The following EIF2A variants were observed in gnomAD, a reference collection of about 807,000 sequenced individuals.
EIF2A encodes the protein 65 kDa eukaryotic translation initiation factor 2A.
Under a neutral mutation model 75.2 loss-of-function variants are expected in EIF2A, and 62 were observed. The observed-to-expected ratio is 0.82, with a 90% confidence interval of 0.67 to 1.02. The LOEUF is 1.02. EIF2A is among the 50% of genes least tolerant of loss of function. The probability of loss-of-function intolerance (pLI) is 0.00; values close to 1 mark genes in which losing one functional copy is unlikely to be tolerated. For synonymous variants in EIF2A, 207 were observed against 239.0 expected (o/e 0.87, Z 1.23); for missense variants, 611 against 677.7 (o/e 0.90, Z 1.09).
chr3:150,564,545 A>C (rs1227507242), intron 6 of EIF2A, 164 bp downstream of exon 6: 3 of 477,470 alleles, frequency 6.3e-6, no homozygotes, highest in Non-Finnish European at 1.1e-5. Context: ...AATTCAGTGA[A>C]AATCTGTAAC....
chr3:150,561,082 G>C (rs1347924167), intron 3 of EIF2A, among the ~76,000 whole-genome samples: 1 of 152,036 alleles, frequency 6.6e-6, no homozygotes, highest in Non-Finnish European at 1.5e-5. Flanking sequence ...GACATCAAAT[G>C]TCTCCTTACT....
In EIF2A at chr3:150,574,191, G is replaced by A. The variant is rs1448088930; in HGVS notation, c.1384-1458G>A. ...AATTAAAATGTGTTCATCAAAAACAGTCCCATAATAATTGATATAACTGAA... is the reference window on the plus strand; with the variant it reads ...AATTAAAATGTGTTCATCAAAAACAATCCCATAATAATTGATATAACTGAA... On this transcript the variant is annotated intron_variant, in intron 10 of 13. Coordinates refer to ENST00000460851, the MANE Select transcript of EIF2A (RefSeq NM_032025.5). Among the ~76,000 whole-genome samples, 3 of 152,148 alleles carry A rather than the reference G, an allele frequency of 2.0e-5. No homozygotes were observed. In the East Asian group the frequency reaches 5.8e-4, roughly 29 times the overall value.
At chr3:150,563,697 A>T (rs995458133) in intron 5 of EIF2A, 83 bp downstream of exon 5, 1 of 1,073,304 alleles carries the variant, frequency 9.3e-7, no homozygotes, top group African/African-American at 1.7e-5. Flanking sequence ...CCTGATATTG[A>T]TTTAAAAAAT....
chr3:150,581,879 T>C (rs2107978721), intron 12 of EIF2A, 133 bp downstream of exon 12: 1 of 1,034,736 alleles, frequency 9.7e-7, no homozygotes, highest in South Asian at 1.7e-5. Context: ...GTTTTCTCAC[T>C]ATGAAGCACT....
intron 13 of EIF2A, 137 bp downstream of exon 13, chr3:150,583,402 T>A: frequency 1.4e-6 from 1 of 735,344 alleles, no homozygotes; most frequent in South Asian, 2.3e-5. Flanking sequence ...ATATTCTTTT[T>A]AATGTTTTTA....
chr3:150,584,993 T>C lies in EIF2A; in HGVS notation c.*1082T>C, dbSNP rs920109688. On this transcript the variant is annotated 3_prime_UTR_variant, in exon 14 of 14. Coordinates refer to ENST00000460851, the MANE Select transcript of EIF2A (RefSeq NM_032025.5). ...GATAGATACCATATGAGTATTCAAA[T>C]ATACATACACATACACTTAAAAAAA... Among the ~76,000 whole-genome samples, 1 of 151,938 alleles carries C rather than the reference T, an allele frequency of 6.6e-6. No individual in the cohort carries two copies. The highest frequency in any genetic ancestry group is 1.5e-5 in the Non-Finnish European group (1 of 67,944).
At chr3:150,556,580 G>A (rs1320228124) in intron 2 of EIF2A, among the ~76,000 whole-genome samples, 2 of 150,950 alleles carry the variant, frequency 1.3e-5, no homozygotes, top group African/African-American at 2.4e-5. Flanking sequence ...TAGTTTTTGC[G>A]TTGGAATGTT....
At position 150,584,140 on chromosome 3, in the gene EIF2A, G is replaced by A. The variant is rs1242510009; in HGVS notation, c.*229G>A. 8 of 402,882 alleles carry A rather than the reference G, an allele frequency of 2.0e-5. No homozygotes were observed. The highest frequency in any genetic ancestry group is 4.3e-5 in the Admixed American group (1 of 23,430). The allele number at this position is 402,882 out of a possible 1,614,324, so 25.0% of individuals were successfully genotyped here. A position where few individuals can be genotyped will look rare whatever the true frequency, so the allele number is the denominator to read the frequency against. ...AATATGTGATATAGAAAAGAGATAC[G>A]TGAATTTTTTAGCTAAGCTTGACAG... On this transcript the variant is annotated 3_prime_UTR_variant, in exon 14 of 14. Transcript: ENST00000460851.
intron 11 of EIF2A, among the ~76,000 whole-genome samples, chr3:150,580,042 C>T (rs1442031975): frequency 6.6e-6 from 1 of 151,950 alleles, no homozygotes; most frequent in East Asian, 1.9e-4. Flanking sequence ...ATTTATTTAG[C>T]CTGTGCAACG....
At chr3:150,576,608 A>G (rs112490171) in intron 11 of EIF2A, among the ~76,000 whole-genome samples, 23 of 152,264 alleles carry the variant, frequency 1.5e-4, no homozygotes, top group African/African-American at 5.5e-4. Flanking sequence ...CTGAGACACT[A>G]ATGGTATTAT....
intron 1 of EIF2A, among the ~76,000 whole-genome samples, chr3:150,548,620 C>T (rs567902768): frequency 9.8e-5 from 15 of 152,322 alleles, no homozygotes; most frequent in South Asian, 2.1e-4. Context: ...CTCATAAGAG[C>T]GCAAACCCTA....
At chr3:150,581,472 T>G in intron 11 of EIF2A, 146 bp from the exon 12 acceptor site, 119 of 1,051,642 alleles carry the variant, frequency 1.1e-4, no homozygotes, top group Non-Finnish European at 1.3e-4. Context: ...GCATACTTCA[T>G]GAGACCTTTA....
chr3:150,581,651 C>A lies in EIF2A; in HGVS notation c.1531C>A (p.Pro511Thr). ...ARSDKSPDLA[P>T]TPAPQSTPRN... ...AAGTGACAAGAGTCCAGATTTGGCA[C>A]CTACTCCTGCCCCACAGAGCACACC... Residue 511 changes from proline to threonine, a missense_variant, in exon 12 of 14, where the codon CCT (proline) becomes ACT (threonine). By Grantham distance (38) the Pro-to-Thr change is conservative (BLOSUM62 -1). Coordinates refer to ENST00000460851, the MANE Select transcript of EIF2A (RefSeq NM_032025.5). 6.4e-7 allele frequency: 1 copy of A among 1,551,736 alleles called. No homozygotes were observed. The highest frequency in any genetic ancestry group is 8.7e-7 in the Non-Finnish European group (1 of 1,146,948).
chr3:150,563,057 G>C (rs550655900), intron 4 of EIF2A: 1 of 178,486 alleles, frequency 5.6e-6, no homozygotes, highest in South Asian at 1.2e-4. Flanking sequence ...GTATGGTAGA[G>C]TCGAAAATGT....
At chr3:150,553,396 A>G (rs1723412636) in intron 2 of EIF2A, among the ~76,000 whole-genome samples, 2 of 151,556 alleles carry the variant, frequency 1.3e-5, no homozygotes, top group African/African-American at 2.4e-5. Flanking sequence ...TGGCATAACC[A>G]TGTGAAGACC....
chr3:150,578,720 C>T (rs1254824794), intron 11 of EIF2A, among the ~76,000 whole-genome samples: 1 of 152,080 alleles, frequency 6.6e-6, no homozygotes, highest in African/African-American at 2.4e-5. Context: ...ATAAACTATT[C>T]AGTATGTATT....
Position 150,584,180 on chromosome 3 carries a change from G to A in EIF2A, c.*269G>A. 1 of 314,902 alleles carries A rather than the reference G, an allele frequency of 3.2e-6. No individual in the cohort carries two copies. The allele number at this position is 314,902 out of a possible 1,614,324, so 19.5% of individuals were successfully genotyped here. On this transcript the variant is annotated 3_prime_UTR_variant, in exon 14 of 14. Transcript: ENST00000460851. ...AAGCTTGACAGATTGAAAGACAAGT[G>A]TCATTTTTTTTTGTAGAGGGTGATA...
At position 150,558,345 on chromosome 3, in the gene EIF2A, T is replaced by TTAA. The variant is rs201097440; in HGVS notation, c.99-41_99-39dup. On this transcript the variant is annotated intron_variant, in intron 2 of 13. Coordinates refer to ENST00000460851, the MANE Select transcript of EIF2A (RefSeq NM_032025.5). Reference sequence around the variant, plus strand: ...TATAATCAGATTTTTTTGAAAAGTATTAATGCTTATTCATTTAAACCTTTT... The same window carrying TTAA: ...TATAATCAGATTTTTTTGAAAAGTATTAATAATGCTTATTCATTTAAACCTTTT... 8.4e-4 allele frequency: 1,211 copies of TTAA among 1,438,922 alleles called. 8 individuals are homozygous for TTAA. In the African/African-American group the frequency reaches 0.016, roughly 18 times the overall value. 89.1% of individuals were successfully genotyped at this position (1,438,922 alleles called of 1,614,324 possible).
rs973571295 is a variant in EIF2A at position 150,583,364 on chromosome 3, T to G, written c.1692+99T>G. The G allele has an allele frequency of 3.5e-6, 4 of 1,154,198 alleles. No individual in the cohort carries two copies. In the Admixed American group the frequency reaches 1.2e-4, roughly 35 times the overall value. 71.5% of individuals were successfully genotyped at this position (1,154,198 alleles called of 1,614,324 possible). On this transcript the variant is annotated intron_variant, in intron 13 of 13. Transcript: ENST00000460851. The stretch of plus-strand genomic sequence containing the variant: ...GTCAGGTAAAAGAGCACATGGAGTT[T>G]AAAAACTTATTTTGAAAACCATATG...
Sources: gnomAD v4.1 joint callset for allele counts (sites outside exome capture counted in the v4.1 genomes callset) on GRCh38, gnomAD v4.1.1 for gene constraint, MANE v1.5 for transcripts, NCBI Gene and HGNC (gene_info 2026-07-23, HGNC 2026-07-21) for gene names.